The following TASP1 variants were observed in gnomAD, a reference collection of about 807,000 sequenced individuals.
TASP1 encodes the protein taspase 1.
TASP1 carries 16 observed loss-of-function variants against 56.6 expected under a neutral mutation model. The observed-to-expected ratio is 0.28, with a 90% CI of 0.19 to 0.43. The LOEUF is 0.43. Among genes scored for constraint, TASP1 ranks in the 20% least tolerant of loss-of-function variants. The pLI is 1.00. For missense variants in TASP1, 393 were observed against 511.6 expected (o/e 0.77, Z 2.24); for synonymous variants, 179 against 184.2 (o/e 0.97, Z 0.23).
chr20:13,377,209 T>C, the TASP1 span, among the ~76,000 whole-genome samples: 1 of 152,238 alleles, frequency 6.6e-6, no homozygotes, highest in Non-Finnish European at 1.5e-5. Flanking sequence ...GGCTGTGGGT[T>C]TGCCATAAAT....
the TASP1 span, chr20:13,110,223 T>C: frequency 6.2e-7 from 1 of 1,610,994 alleles, no homozygotes; most frequent in Non-Finnish European, 8.5e-7. Flanking sequence ...TACAGGTATG[T>C]AAATAACAGG....
chr20:13,521,860 T>C (rs2044773641), intron 10 of TASP1, among the ~76,000 whole-genome samples: 2 of 152,206 alleles, frequency 1.3e-5, no homozygotes, highest in East Asian at 1.9e-4. Context: ...TAGATAATGA[T>C]ACTTGCTACG....
chr20:13,180,299 A>T, the TASP1 span, among the ~76,000 whole-genome samples: 1 of 152,192 alleles, frequency 6.6e-6, no homozygotes, highest in East Asian at 1.9e-4. Context: ...CCAGACAATA[A>T]CACTTAGCTT....
the TASP1 span, among the ~76,000 whole-genome samples, chr20:13,230,196 T>C: frequency 3.8e-3 from 583 of 152,356 alleles, 5 homozygotes; most frequent in Middle Eastern, 0.017. Context: ...CCATATGTCA[T>C]ACAAGTGTTT....
chr20:13,537,883 G>C (rs952741965), intron 8 of TASP1, among the ~76,000 whole-genome samples: 4 of 152,202 alleles, frequency 2.6e-5, no homozygotes, highest in East Asian at 1.9e-4. Context: ...TAAAGTAACA[G>C]ATGTAAACTA....
chr20:13,626,241 A>G (rs2048881785), intron 2 of TASP1, among the ~76,000 whole-genome samples: 1 of 152,160 alleles, frequency 6.6e-6, no homozygotes, highest in Non-Finnish European at 1.5e-5. Context: ...CCTGGCCAAC[A>G]TGGAGAAACC....
chr20:13,237,438 A>G, the TASP1 span, among the ~76,000 whole-genome samples: 1 of 152,226 alleles, frequency 6.6e-6, no homozygotes, highest in Non-Finnish European at 1.5e-5. Flanking sequence ...CACAAATGTA[A>G]TGTTGAGTGA....
At chr20:13,325,189 G>A in the TASP1 span, among the ~76,000 whole-genome samples, 1 of 152,210 alleles carries the variant, frequency 6.6e-6, no homozygotes, top group African/African-American at 2.4e-5. Context: ...TGGCCCTGGA[G>A]TGTCTCCCTT....
the TASP1 span, among the ~76,000 whole-genome samples, chr20:13,241,867 A>G: frequency 6.6e-6 from 1 of 152,258 alleles, no homozygotes; most frequent in Middle Eastern, 3.4e-3. Flanking sequence ...CAGAAGTTGG[A>G]TCACTGAGTT....
At chr20:13,284,219 G>C in the TASP1 span, among the ~76,000 whole-genome samples, 1 of 152,196 alleles carries the variant, frequency 6.6e-6, no homozygotes, top group Non-Finnish European at 1.5e-5. Flanking sequence ...AGGTTTACTA[G>C]TGGCCAAGTC....
At chr20:13,157,591 T>A in the TASP1 span, among the ~76,000 whole-genome samples, 1 of 152,020 alleles carries the variant, frequency 6.6e-6, no homozygotes, top group Non-Finnish European at 1.5e-5. Flanking sequence ...GCACATCTCA[T>A]TAAAGCAACA....
chr20:13,122,836 C>T, the TASP1 span, among the ~76,000 whole-genome samples: 6 of 152,112 alleles, frequency 3.9e-5, no homozygotes, highest in African/African-American at 1.2e-4. Flanking sequence ...CCACCCCTCC[C>T]CATAAGGATG....
intron 10 of TASP1, among the ~76,000 whole-genome samples, chr20:13,515,086 G>A (rs577764942): frequency 1.2e-4 from 18 of 152,192 alleles, no homozygotes; most frequent in Middle Eastern, 3.4e-3. Flanking sequence ...ATCTTTTCAA[G>A]TTAGCAGTTT....
the TASP1 span, among the ~76,000 whole-genome samples, chr20:13,355,336 T>A: frequency 6.6e-6 from 1 of 152,082 alleles, no homozygotes; most frequent in Non-Finnish European, 1.5e-5. Flanking sequence ...GAGCAAAGAT[T>A]TAGTTGCTGA....
At position 13,483,215 on chromosome 20, in the gene TASP1, T is replaced by C; in HGVS notation, c.985+12A>G. ...TATTTAGAAGATGTAATCTTCTTAA[T>C]GTTATACTTACTGATAAACTTGTTT... On this transcript the variant is annotated intron_variant, in intron 11 of 13. Coordinates refer to ENST00000337743, the MANE Select transcript of TASP1 (RefSeq NM_017714.3). 1.2e-5 allele frequency: 19 copies of C among 1,554,220 alleles called. No homozygotes were observed. Among genetic ancestry groups the C allele is most frequent in the Non-Finnish European group, 1.6e-5 (18 of 1,143,592 alleles).
chr20:13,483,471 A>G (rs2043213512), intron 10 of TASP1, 134 bp from the exon 11 acceptor site: 1 of 507,360 alleles, frequency 2.0e-6, no homozygotes, highest in Non-Finnish European at 3.4e-6. Context: ...GAGGGATGAA[A>G]TGACTTCCAT....
chr20:13,230,657 G>A, the TASP1 span, among the ~76,000 whole-genome samples: 1 of 151,656 alleles, frequency 6.6e-6, no homozygotes, highest in African/African-American at 2.4e-5. Context: ...CCAAAGACAG[G>A]AGATAATTTA....
At chr20:13,570,476 T>C (rs2046674742) in intron 6 of TASP1, among the ~76,000 whole-genome samples, 1 of 152,256 alleles carries the variant, frequency 6.6e-6, no homozygotes, top group African/African-American at 2.4e-5. Flanking sequence ...GTAACACATA[T>C]TGAAGTCTTA....
chr20:13,530,463 T>C (rs2045179476), intron 9 of TASP1, among the ~76,000 whole-genome samples: 2 of 152,210 alleles, frequency 1.3e-5, no homozygotes, highest in Admixed American at 6.5e-5. Flanking sequence ...ATTCAACTGG[T>C]ACTCCCTGAA....
Sources: allele counts gnomAD v4.1 joint callset (sites outside exome capture counted in the v4.1 genomes callset), GRCh38; gene constraint gnomAD v4.1.1; transcripts MANE v1.5; gene names NCBI Gene and HGNC (gene_info 2026-07-23, HGNC 2026-07-21).